CNTN4: variants seen among roughly 807,000 people sequenced by gnomAD.
CNTN4 encodes the protein contactin 4.
In CNTN4, 77 loss-of-function variants were observed where a neutral mutation model predicts 122.5. The observed-to-expected ratio is 0.63, with a 90% CI of 0.52 to 0.76. CNTN4 has a LOEUF of 0.76. Among genes scored for constraint, CNTN4 ranks in the 30% least tolerant of loss-of-function variants. The pLI is 0.00. For synonymous variants in CNTN4, 512 were observed against 447.0 expected (o/e 1.15, Z -1.83); for missense variants, 1,256 against 1,259.1 (o/e 1.00, Z 0.04).
intron 3 of CNTN4, among the ~76,000 whole-genome samples, chr3:2,520,498 T>A (rs2077174345): frequency 6.6e-6 from 1 of 151,950 alleles, no homozygotes; most frequent in Non-Finnish European, 1.5e-5. Context: ...GGTCTCGAAC[T>A]CCTGACCTCT....
At chr3:2,250,184 CAAATAT>C (rs1456106443) in intron 2 of CNTN4, among the ~76,000 whole-genome samples, 1 of 151,868 alleles carries the variant, frequency 6.6e-6, no homozygotes, top group East Asian at 1.9e-4. Flanking sequence ...TGATCAATTA[CAAATAT>C]AAAGATTTAA....
Position 2,200,662 on chromosome 3 carries a change from G to T in CNTN4, c.-145+100023G>T, listed in dbSNP as rs548335126. Among the ~76,000 whole-genome samples the T allele has an allele frequency of 3.1e-3, 479 of 152,262 alleles. 1 individual carries two copies. The highest frequency in any genetic ancestry group is 8.3e-3 in the Admixed American group (127 of 15,290). Reference sequence around the variant, plus strand: ...GCTAAATTAATATATTTTAAAGCAGGATGAAAGTTTTAAATGCTCTGCAGA... The same window carrying T: ...GCTAAATTAATATATTTTAAAGCAGTATGAAAGTTTTAAATGCTCTGCAGA... On this transcript the variant is annotated intron_variant, in intron 2 of 24. Coordinates refer to ENST00000418658, the MANE Select transcript of CNTN4 (RefSeq NM_175607.3).
Position 2,190,338 on chromosome 3 carries a change from T to G in CNTN4, c.-145+89699T>G, listed in dbSNP as rs181763236. On this transcript the variant is annotated intron_variant, in intron 2 of 24. Transcript: ENST00000418658. The stretch of plus-strand genomic sequence containing the variant: ...GTGTGTGTGTGTCTTTGTGTTTTTT[T>G]TTTCTGAAATAATGATAAAAAAAGA... Among the ~76,000 whole-genome samples, 674 of 151,846 alleles carry G rather than the reference T, an allele frequency of 4.4e-3. 3 individuals are homozygous for G. Among genetic ancestry groups the G allele is most frequent in the East Asian group, 0.02 (102 of 5,178 alleles).
chr3:2,878,551 CTCTGTGTG>C (rs112530081), intron 8 of CNTN4, among the ~76,000 whole-genome samples: 2,767 of 64,926 alleles, frequency 0.043, 74 homozygotes, highest in African/African-American at 0.14. Context: ...AAGAGATGCT[CTCTGTGTG>C]TGTGTGTGTG....
chr3:2,287,878 T>C (rs1215603578), intron 2 of CNTN4, among the ~76,000 whole-genome samples: 3 of 152,184 alleles, frequency 2.0e-5, no homozygotes, highest in Non-Finnish European at 4.4e-5. Context: ...TATTGTTGCT[T>C]GTATTACATT....
intron 7 of CNTN4, among the ~76,000 whole-genome samples, chr3:2,824,167 A>G (rs933178263): frequency 1.3e-5 from 2 of 151,718 alleles, no homozygotes; most frequent in African/African-American, 4.9e-5. Context: ...TTAAAAAAAA[A>G]AAAAAAACAG....
chr3:2,763,053 C>T (rs149927410), intron 6 of CNTN4, among the ~76,000 whole-genome samples: 2,844 of 151,688 alleles, frequency 0.019, 33 homozygotes, highest in South Asian at 0.045. Context: ...GCCATTCTCC[C>T]GCCTCAGCCT....
intron 3 of CNTN4, among the ~76,000 whole-genome samples, chr3:2,453,543 G>A (rs2048902451): frequency 6.6e-6 from 1 of 152,088 alleles, no homozygotes; most frequent in African/African-American, 2.4e-5. Flanking sequence ...GGAACTTGAG[G>A]CTCAGTGGGA....
intron 3 of CNTN4, among the ~76,000 whole-genome samples, chr3:2,546,629 C>T (rs1197076303): frequency 6.6e-6 from 1 of 152,024 alleles, no homozygotes; most frequent in Non-Finnish European, 1.5e-5. Flanking sequence ...TGTTAACCTG[C>T]ACATGTACTC....
At chr3:2,886,732 T>C (rs548811968) in intron 9 of CNTN4, among the ~76,000 whole-genome samples, 1 of 139,810 alleles carries the variant, frequency 7.2e-6, no homozygotes, top group South Asian at 2.3e-4. Context: ...CAGGCTGGTT[T>C]CAAACTCCTG....
chr3:2,608,855 A>G (rs996024680), intron 4 of CNTN4, among the ~76,000 whole-genome samples: 2 of 152,186 alleles, frequency 1.3e-5, no homozygotes, highest in African/African-American at 2.4e-5. Context: ...GGCATGAACT[A>G]TCTGATTCTT....
chr3:3,029,649 T>A (rs1440352935), intron 15 of CNTN4, among the ~76,000 whole-genome samples: 1 of 152,214 alleles, frequency 6.6e-6, no homozygotes, highest in Non-Finnish European at 1.5e-5. Flanking sequence ...TTCCGGATGC[T>A]AGTCTAGTGT....
In CNTN4 at chr3:2,230,824, A is replaced by G. The variant is rs148964702; in HGVS notation, c.-144-108354A>G. 1.8e-3 allele frequency among the ~76,000 whole-genome samples: 266 copies of G among 151,982 alleles called. 2 individuals are homozygous for G. The highest frequency in any genetic ancestry group is 6.1e-3 in the African/African-American group (251 of 41,456). On this transcript the variant is annotated intron_variant, in intron 2 of 24. Coordinates refer to ENST00000418658, the MANE Select transcript of CNTN4 (RefSeq NM_175607.3). ...ACATAGCAAAAACCCTGTCTTTATAAAAAAATACCAAAATTGGCTTGAGCA... is the reference window on the plus strand; with the variant it reads ...ACATAGCAAAAACCCTGTCTTTATAGAAAAATACCAAAATTGGCTTGAGCA...
At chr3:3,048,514 C>CTGTG (rs1491111533) in intron 23 of CNTN4, among the ~76,000 whole-genome samples, 36 of 134,376 alleles carry the variant, frequency 2.7e-4, no homozygotes, top group African/African-American at 1.1e-3. Flanking sequence ...CTCTCTCTCT[C>CTGTG]TCTGTGTGTG....
intron 4 of CNTN4, among the ~76,000 whole-genome samples, chr3:2,612,846 CT>C: frequency 6.6e-6 from 1 of 152,264 alleles, no homozygotes; most frequent in Middle Eastern, 3.4e-3. Context: ...GATATAACAA[CT>C]TAAATGGCAT....
At chr3:2,384,772 G>A (rs1245624550) in intron 3 of CNTN4, among the ~76,000 whole-genome samples, 1 of 151,874 alleles carries the variant, frequency 6.6e-6, no homozygotes, top group African/African-American at 2.4e-5. Context: ...GTGTGTGTGT[G>A]TGTGTGTGTG....
intron 8 of CNTN4, among the ~76,000 whole-genome samples, chr3:2,877,587 T>C (rs1336343762): frequency 6.6e-6 from 1 of 152,202 alleles, no homozygotes; most frequent in Non-Finnish European, 1.5e-5. Context: ...CTAGACTAAA[T>C]TATATGTGTT....
rs2089952259 is a variant in CNTN4, at chr3:2,749,007, C to T, written c.358+3310C>T. Among the ~76,000 whole-genome samples the T allele has an allele frequency of 3.9e-5, 6 of 152,162 alleles. No individual in the cohort carries two copies. In the South Asian group the frequency reaches 1.2e-3, roughly 31 times the overall value. On this transcript the variant is annotated intron_variant, in intron 6 of 24. Coordinates refer to ENST00000418658, the MANE Select transcript of CNTN4 (RefSeq NM_175607.3). ...CACACAGCTGACTTCTTATGATCCT[C>T]ACTTCTCAATTTAGGTATGACCTCC...
intron 6 of CNTN4, among the ~76,000 whole-genome samples, chr3:2,797,920 ATT>A (rs10684232): frequency 8.6e-4 from 119 of 137,836 alleles, no homozygotes; most frequent in African/African-American, 2.9e-3. Context: ...CACACTGAGT[ATT>A]TTTTTTTTTT....
Sources: gnomAD v4.1 joint callset for allele counts (sites outside exome capture counted in the v4.1 genomes callset) on GRCh38, gnomAD v4.1.1 for gene constraint, MANE v1.5 for transcripts, NCBI Gene and HGNC (gene_info 2026-07-23, HGNC 2026-07-21) for gene names.